The following VTI1A variants were observed in gnomAD, a reference collection of about 807,000 sequenced individuals.
VTI1A encodes vesicle transport through interaction with t-SNAREs 1A, also known as vesicle transport through interaction with t-SNAREs homolog 1A.
A neutral mutation model predicts 34.9 loss-of-function variants in VTI1A; 22 were observed. The ratio of observed to expected loss-of-function variants is 0.63; its 90% CI spans 0.45 to 0.90. The LOEUF (loss-of-function observed/expected upper bound fraction) is 0.90. Ranked by LOEUF, VTI1A falls within the 40% of genes least tolerant of loss-of-function variation. The pLI is 0.00. For synonymous variants in VTI1A, 87 were observed against 97.3 expected, an observed-to-expected ratio of 0.89 and a Z score of 0.62; for missense variants, 268 against 275.6, an observed-to-expected ratio of 0.97 and a Z score of 0.20.
At chr10:112,775,985 CTAAG>C (rs1216883682) in intron 7 of VTI1A, among the ~76,000 whole-genome samples, 3 of 152,170 alleles carry the variant, frequency 2.0e-5, no homozygotes, top group Non-Finnish European at 4.4e-5. Flanking sequence ...TCTTCGCACT[CTAAG>C]TGTTTCCCTG....
chr10:112,752,337 C>T (rs1851132415), intron 7 of VTI1A: 2 of 983,654 alleles, frequency 2.0e-6, no homozygotes, highest in Non-Finnish European at 1.2e-6. Context: ...CTCTGATCCC[C>T]CTCTGTCTTT....
intron 5 of VTI1A, among the ~76,000 whole-genome samples, chr10:112,624,605 C>T (rs959520661): frequency 7.9e-5 from 12 of 151,780 alleles, no homozygotes; most frequent in Non-Finnish European, 1.0e-4. Context: ...ACGAGTATAA[C>T]AGAAAGATAA....
intron 3 of VTI1A, 85 bp from the exon 4 acceptor site, chr10:112,527,002 A>C: frequency 1.5e-6 from 2 of 1,361,608 alleles, no homozygotes; most frequent in Admixed American, 1.8e-5. Flanking sequence ...TCGAGGTTTG[A>C]GATCAGCCTT....
chr10:112,559,465 C>T (rs971353070), intron 5 of VTI1A, among the ~76,000 whole-genome samples: 4 of 152,060 alleles, frequency 2.6e-5, no homozygotes, highest in African/African-American at 7.2e-5. Flanking sequence ...AAAGGTAGAG[C>T]GATGGTGTAG....
chr10:112,853,583 G>A, the VTI1A span, among the ~76,000 whole-genome samples: 1 of 152,196 alleles, frequency 6.6e-6, no homozygotes, highest in South Asian at 2.1e-4. Context: ...CAGGTGGCCA[G>A]TGGCAAACAT....
intron 6 of VTI1A, 83 bp downstream of exon 6, chr10:112,668,371 T>C (rs1590048304): frequency 7.1e-7 from 1 of 1,408,376 alleles, no homozygotes; most frequent in East Asian, 2.4e-5. Flanking sequence ...ACAATAGCAA[T>C]TAGGTAGATA....
intron 2 of VTI1A, among the ~76,000 whole-genome samples, chr10:112,461,927 G>GCAAA (rs1311992457): frequency 6.6e-6 from 1 of 152,208 alleles, no homozygotes; most frequent in African/African-American, 2.4e-5. Context: ...TGTTAGCCAG[G>GCAAA]CTGGTCTTGA....
chr10:112,798,082 C>T (rs189948832), intron 7 of VTI1A, among the ~76,000 whole-genome samples: 49 of 152,338 alleles, frequency 3.2e-4, no homozygotes, highest in Middle Eastern at 3.4e-3. Flanking sequence ...TTCCAGGGAG[C>T]ACAGTGAGCC....
intron 1 of VTI1A, among the ~76,000 whole-genome samples, chr10:112,456,481 C>G (rs1847531259): frequency 6.6e-6 from 1 of 151,358 alleles, no homozygotes. Flanking sequence ...ACCGTTGTAC[C>G]CCCTAGAGCC....
chr10:112,521,884 A>ATGAGCCTTT (rs1850039932), intron 3 of VTI1A, among the ~76,000 whole-genome samples: 2 of 151,952 alleles, frequency 1.3e-5, no homozygotes, highest in South Asian at 4.1e-4. Context: ...TCCTGGATTG[A>ATGAGCCTTT]TGAGCCTTTT....
intron 4 of VTI1A, among the ~76,000 whole-genome samples, chr10:112,531,115 G>GCGCGCA (rs1850422652): frequency 2.4e-5 from 3 of 124,254 alleles, no homozygotes; most frequent in African/African-American, 1.1e-4. Flanking sequence ...GTGCGCACGT[G>GCGCGCA]CGCGCGCGCG....
At chr10:112,741,595 G>A (rs948322976) in intron 7 of VTI1A, among the ~76,000 whole-genome samples, 1 of 152,164 alleles carries the variant, frequency 6.6e-6, no homozygotes, top group Non-Finnish European at 1.5e-5. Flanking sequence ...TGCATGGTAT[G>A]TGAATCATAC....
intron 7 of VTI1A, among the ~76,000 whole-genome samples, chr10:112,777,159 C>T (rs538227773): frequency 1.3e-5 from 2 of 152,292 alleles, no homozygotes; most frequent in East Asian, 3.9e-4. Context: ...AAGTCCGTGT[C>T]AATTCCTGTC....
chr10:112,610,828 A>C (rs566862724), intron 5 of VTI1A, among the ~76,000 whole-genome samples: 3 of 152,268 alleles, frequency 2.0e-5, no homozygotes, highest in Non-Finnish European at 4.4e-5. Flanking sequence ...CTGAGGCAGG[A>C]GAATGACGTG....
chr10:112,569,355 G>C (rs1341390872), intron 5 of VTI1A, among the ~76,000 whole-genome samples: 1 of 152,106 alleles, frequency 6.6e-6, no homozygotes, highest in Non-Finnish European at 1.5e-5. Context: ...AGTATACTGA[G>C]GTCCAGAGAG....
At chr10:112,812,678 GCTCTCTCTAT>G (rs1247328681) in intron 7 of VTI1A, among the ~76,000 whole-genome samples, 2 of 152,046 alleles carry the variant, frequency 1.3e-5, no homozygotes, top group African/African-American at 4.8e-5. Flanking sequence ...CTTGCTTAGA[GCTCTCTCTAT>G]TCCAACTCTT....
intron 5 of VTI1A, among the ~76,000 whole-genome samples, chr10:112,572,577 G>A (rs1485466166): frequency 6.6e-6 from 1 of 152,258 alleles, no homozygotes; most frequent in African/African-American, 2.4e-5. Context: ...GGTGGCTCAC[G>A]CCTGTAATCC....
At chr10:112,713,465 CATT>C (rs146945846) in intron 7 of VTI1A, among the ~76,000 whole-genome samples, 7,376 of 152,120 alleles carry the variant, frequency 0.048, 371 homozygotes, top group East Asian at 0.27. Flanking sequence ...ATAAGGGAGG[CATT>C]ATTATTTTCT....
chr10:112,486,724 A>G (rs988874337), intron 3 of VTI1A, among the ~76,000 whole-genome samples: 7 of 132,390 alleles, frequency 5.3e-5, no homozygotes, highest in South Asian at 2.5e-4. Flanking sequence ...AGAATATACA[A>G]TGTAACAAAA....
Sources: allele counts gnomAD v4.1 joint callset (sites outside exome capture counted in the v4.1 genomes callset), GRCh38; gene constraint gnomAD v4.1.1; transcripts MANE v1.5; gene names NCBI Gene and HGNC (gene_info 2026-07-23, HGNC 2026-07-21).